IGFBP7: variants seen among roughly 807,000 people sequenced by gnomAD.
IGFBP7 encodes the protein insulin like growth factor binding protein 7, also known as insulin-like growth factor-binding protein 7.
Under a neutral mutation model 29.4 loss-of-function variants are expected in IGFBP7, and 31 were observed. That is an observed-to-expected ratio of 1.05 (90% CI 0.79 to 1.42). The LOEUF (loss-of-function observed/expected upper bound fraction) is 1.42, where lower values mean the gene tolerates loss of function less well. Among genes scored for constraint, IGFBP7 ranks in the 40% most tolerant of loss-of-function variants. The pLI, the probability that IGFBP7 is intolerant of heterozygous loss-of-function variation, is 0.00. For synonymous variants in IGFBP7, 172 were observed against 174.9 expected, an observed-to-expected ratio of 0.98 and a Z score of 0.13; for missense variants, 393 against 395.5, an observed-to-expected ratio of 0.99 and a Z score of 0.05.
rs554366615 is a variant in IGFBP7, at chr4:57,080,523, T to G, written c.475+29354A>C. On this transcript the variant is annotated intron_variant, in intron 1 of 4. Coordinates refer to ENST00000295666, the MANE Select transcript of IGFBP7 (RefSeq NM_001553.3). ...CATCTTCCCATTTAGAGGAAGATTT[T>G]GAGTGAAATTTATTTTATTTTTTGA... Among the ~76,000 whole-genome samples, 4 of 152,280 alleles carry G rather than the reference T, an allele frequency of 2.6e-5. No individual in the cohort carries two copies. In the South Asian group the frequency reaches 8.3e-4, roughly 32 times the overall value.
In IGFBP7 at chr4:57,032,282, T is replaced by G. The variant is rs561222332; in HGVS notation, c.829+144A>C. On this transcript the variant is annotated intron_variant, in intron 4 of 4. Coordinates refer to ENST00000295666, the MANE Select transcript of IGFBP7 (RefSeq NM_001553.3). ...TCTTTTGGAGTCTCATGCTGTACAT[T>G]TTAATGGCATACTTAATGCCCTTAT... is the stretch of plus-strand genomic sequence containing the variant. 7.3e-5 allele frequency: 106 copies of G among 1,447,610 alleles called. 2 individuals carry two copies. The South Asian group carries it at 1.5e-3, about 21-fold the overall frequency. The allele number at this position is 1,447,610 out of a possible 1,614,324, so 89.7% of individuals were successfully genotyped here. A position where few individuals can be genotyped will look rare whatever the true frequency, so the allele number is the denominator to read the frequency against.
At chr4:57,061,065 A>AG (rs1296689907) in intron 1 of IGFBP7, among the ~76,000 whole-genome samples, 1 of 152,030 alleles carries the variant, frequency 6.6e-6, no homozygotes, top group African/African-American at 2.4e-5. Flanking sequence ...CTGAAAAACA[A>AG]AAAAAATTCT....
intron 1 of IGFBP7, among the ~76,000 whole-genome samples, chr4:57,042,344 A>G (rs1367054392): frequency 6.8e-6 from 1 of 147,456 alleles, no homozygotes; most frequent in East Asian, 2.0e-4. Context: ...TGTTTTTTTA[A>G]ATTAAGAAAA....
At chr4:57,103,875 G>A (rs1725961638) in intron 1 of IGFBP7, among the ~76,000 whole-genome samples, 1 of 151,316 alleles carries the variant, frequency 6.6e-6, no homozygotes, top group Non-Finnish European at 1.5e-5. Context: ...TGCCCAGGCT[G>A]GCAATTTTCA....
intron 2 of IGFBP7, among the ~76,000 whole-genome samples, chr4:57,039,098 G>GTT (rs564437492): frequency 2.8e-5 from 4 of 144,314 alleles, no homozygotes; most frequent in African/African-American, 1.0e-4. Context: ...AGACAAAAAC[G>GTT]TAAGTGTATG....
At chr4:57,105,031 T>C (rs1289712278) in intron 1 of IGFBP7, among the ~76,000 whole-genome samples, 2 of 152,250 alleles carry the variant, frequency 1.3e-5, no homozygotes, top group African/African-American at 4.8e-5. Context: ...GAAATCCCTC[T>C]TTTAAAATGG....
intron 1 of IGFBP7, among the ~76,000 whole-genome samples, chr4:57,049,722 T>G (rs1015335855): frequency 2.6e-5 from 4 of 152,170 alleles, no homozygotes; most frequent in African/African-American, 9.7e-5. Context: ...TAATTGAGGA[T>G]GCCAGCATCC....
intron 1 of IGFBP7, among the ~76,000 whole-genome samples, chr4:57,076,160 T>G (rs1725220711): frequency 6.6e-6 from 1 of 152,100 alleles, no homozygotes; most frequent in Non-Finnish European, 1.5e-5. Flanking sequence ...CCTCACATGG[T>G]GGAAAGAGAG....
At chr4:57,100,777 GAT>G (rs377725673) in intron 1 of IGFBP7, among the ~76,000 whole-genome samples, 326 of 152,324 alleles carry the variant, frequency 2.1e-3, no homozygotes, top group African/African-American at 7.4e-3. Context: ...AAAAAAGAAA[GAT>G]AGCACAGAGA....
chr4:57,102,552 C>A (rs751799815), intron 1 of IGFBP7, among the ~76,000 whole-genome samples: 2 of 152,118 alleles, frequency 1.3e-5, no homozygotes, highest in African/African-American at 4.8e-5. Context: ...CTATTTAATT[C>A]CAGGCCTTTT....
intron 1 of IGFBP7, among the ~76,000 whole-genome samples, chr4:57,070,420 G>A (rs1578631517): frequency 6.6e-6 from 1 of 152,286 alleles, no homozygotes; most frequent in Non-Finnish European, 1.5e-5. Flanking sequence ...CACAGATTCA[G>A]TTTATCTATG....
chr4:57,084,794 T>G (rs1269201416), intron 1 of IGFBP7, among the ~76,000 whole-genome samples: 2 of 147,124 alleles, frequency 1.4e-5, no homozygotes, highest in South Asian at 4.5e-4. Flanking sequence ...AAAGGTTTTT[T>G]TTTTTTTTTT....
At chr4:57,096,470 C>T (rs1297705840) in intron 1 of IGFBP7, among the ~76,000 whole-genome samples, 1 of 152,030 alleles carries the variant, frequency 6.6e-6, no homozygotes, top group Non-Finnish European at 1.5e-5. Context: ...AAAAGTCCTG[C>T]TGCCCAGGTC....
At chr4:57,047,641 GTAAAT>G (rs920460075) in intron 1 of IGFBP7, among the ~76,000 whole-genome samples, 18 of 152,262 alleles carry the variant, frequency 1.2e-4, no homozygotes, top group African/African-American at 4.3e-4. Flanking sequence ...TAAAAATAAA[GTAAAT>G]TAAAATTCAA....
intron 1 of IGFBP7, among the ~76,000 whole-genome samples, chr4:57,104,813 G>C (rs749779035): frequency 6.6e-6 from 1 of 152,178 alleles, no homozygotes; most frequent in Non-Finnish European, 1.5e-5. Flanking sequence ...AGAAAGGAAG[G>C]CAAATCAATG....
intron 1 of IGFBP7, among the ~76,000 whole-genome samples, chr4:57,066,010 T>C (rs1270978198): frequency 6.6e-6 from 1 of 152,182 alleles, no homozygotes; most frequent in Non-Finnish European, 1.5e-5. Context: ...TCAGACTCCA[T>C]ACACTCTTTG....
chr4:57,031,143 A>AT lies in IGFBP7; in HGVS notation c.*173dup. The AT allele has an allele frequency of 1.4e-6, 1 of 715,460 alleles. No individual in the cohort carries two copies. Among genetic ancestry groups the AT allele is most frequent in the East Asian group, 2.7e-5 (1 of 37,448 alleles). 44.3% of individuals were successfully genotyped at this position (715,460 alleles called of 1,614,324 possible). ...CTTTTCTTCTGTAAATATATAATAA[A>AT]TTTTTGTAGATAGTCTTGATGTGTG... On this transcript the variant is annotated 3_prime_UTR_variant, in exon 5 of 5. Coordinates refer to ENST00000295666, the MANE Select transcript of IGFBP7 (RefSeq NM_001553.3).
At chr4:57,037,743 C>T (rs1012910886) in intron 2 of IGFBP7, among the ~76,000 whole-genome samples, 2 of 152,202 alleles carry the variant, frequency 1.3e-5, no homozygotes, top group African/African-American at 4.8e-5. Context: ...AATAAGGTCA[C>T]ATGCCCCAGG....
At chr4:57,108,887 G>T (rs1223952866) in intron 1 of IGFBP7, among the ~76,000 whole-genome samples, 1 of 152,018 alleles carries the variant, frequency 6.6e-6, no homozygotes, top group Admixed American at 6.6e-5. Context: ...GACTTGTTTG[G>T]AATAAAATAA....
Sources: gnomAD v4.1 joint callset for allele counts (sites outside exome capture counted in the v4.1 genomes callset) on GRCh38, gnomAD v4.1.1 for gene constraint, MANE v1.5 for transcripts, NCBI Gene and HGNC (gene_info 2026-07-23, HGNC 2026-07-21) for gene names.